The following ITIH3 variants were observed in gnomAD, a reference collection of about 807,000 sequenced individuals.
ITIH3 encodes the protein inter-alpha-trypsin inhibitor heavy chain H3.
ITIH3 carries 81 observed loss-of-function variants against 96.5 expected under a neutral mutation model. That is an observed-to-expected ratio of 0.84 (90% CI 0.70 to 1.01). The LOEUF (loss-of-function observed/expected upper bound fraction) is 1.01, where lower values mean the gene tolerates loss of function less well. Ranked by LOEUF, ITIH3 falls within the 50% of genes least tolerant of loss-of-function variation. ITIH3 has a pLI of 0.00. For missense variants in ITIH3, 1,057 were observed against 1,139.3 expected, an observed-to-expected ratio of 0.93 and a Z score of 1.04; for synonymous variants, 422 against 445.2, an observed-to-expected ratio of 0.95 and a Z score of 0.66.
At chr3:52,803,310 T>A (rs1305264537) in intron 13 of ITIH3, among the ~76,000 whole-genome samples, 4 of 119,838 alleles carry the variant, frequency 3.3e-5, no homozygotes, top group African/African-American at 1.8e-4. Context: ...TTATTTATTT[T>A]ATTTTATTAT....
chr3:52,806,772 T>TG, intron 18 of ITIH3, 129 bp from the exon 19 acceptor site: 1 of 736,850 alleles, frequency 1.4e-6, no homozygotes, highest in South Asian at 1.7e-5. Flanking sequence ...TCTGAAGTCC[T>TG]GGTCTCTCTT....
At position 52,807,866 on chromosome 3, in the gene ITIH3, T is replaced by C; in HGVS notation, c.2381T>C (p.Phe794Ser). ...CCTGTCCACCGTGACTTTCTAGGCT[T>C]CTACGTGGTGGACAGTCACCGGATG... ...KHPVHRDFLG[F>S]YVVDSHRMSA... Residue 794 changes from phenylalanine to serine, a missense_variant, in exon 20 of 22, where the codon TTC (phenylalanine) becomes TCC (serine). By Grantham distance (155) the Phe-to-Ser change is radical (BLOSUM62 -2). Transcript: ENST00000449956. 1 of 1,612,520 alleles carries C rather than the reference T, an allele frequency of 6.2e-7. No homozygotes were observed. The highest frequency in any genetic ancestry group is 1.1e-5 in the South Asian group (1 of 90,620).
At position 52,796,851 on chromosome 3, in the gene ITIH3, T is replaced by C. The variant is rs1350468720; in HGVS notation, c.386+8T>C. ...GACGGCCGGCTTGGTCAAGTAAGTA[T>C]GGACTCCCAGGCCTTGGGGAGAATG... is the stretch of plus-strand genomic sequence containing the variant. On this transcript the variant is annotated splice_region_variant and intron_variant, in intron 4 of 21. Coordinates refer to ENST00000449956, the MANE Select transcript of ITIH3 (RefSeq NM_002217.4). The C allele has an allele frequency of 1.3e-6, 2 of 1,583,856 alleles. No individual in the cohort carries two copies. Among genetic ancestry groups the C allele is most frequent in the East Asian group, 2.2e-5 (1 of 44,522 alleles).
rs757857469 is a variant in ITIH3, at chr3:52,797,901, G to A, written c.634G>A (p.Ala212Thr). The A allele has an allele frequency of 2.6e-5, 42 of 1,605,276 alleles. No homozygotes were observed. In the Admixed American group the frequency reaches 3.5e-4, roughly 14 times the overall value. Residue 212 changes from alanine to threonine, a missense_variant, in exon 6 of 22, where the codon GCC (alanine) becomes ACC (threonine). By Grantham distance (58) the Ala-to-Thr change is moderately conservative. Coordinates refer to ENST00000449956, the MANE Select transcript of ITIH3 (RefSeq NM_002217.4). The stretch of plus-strand genomic sequence containing the variant: ...CATCACCAACGACCTCCTGGGAAGC[G>A]CCCTCACCAAGTCCTTCTCAGGGAA... ...SFITNDLLGS[A>T]LTKSFSGKKG...
intron 13 of ITIH3, 81 bp downstream of exon 13, chr3:52,802,887 G>C: frequency 6.6e-7 from 1 of 1,513,618 alleles, no homozygotes. Flanking sequence ...CAGTCCCAGC[G>C]GTCCTGCCCT....
rs761778268 is a variant in ITIH3, at chr3:52,804,063, A to C, written c.1864+54A>C. On this transcript the variant is annotated intron_variant, in intron 14 of 21. Transcript: ENST00000449956. ...GGAGGCCTCCTGTGCTGGGCACCCT[A>C]CCTGGGTGTCCAGTGGAGGAGTGGG... 1.1e-5 allele frequency: 17 copies of C among 1,561,650 alleles called. No individual in the cohort carries two copies. In the African/African-American group the frequency reaches 2.2e-4, roughly 20 times the overall value.
At position 52,796,720 on chromosome 3, in the gene ITIH3, C is replaced by A. The variant is rs369881404; in HGVS notation, c.282-19C>A. 1,129 of 1,607,934 alleles carry A rather than the reference C, an allele frequency of 7.0e-4. 16 individuals carry two copies. In the South Asian group the frequency reaches 0.012, roughly 17 times the overall value. On this transcript the variant is annotated intron_variant, in intron 3 of 21. Coordinates refer to ENST00000449956, the MANE Select transcript of ITIH3 (RefSeq NM_002217.4). ...TGGCCCAGTGTGATCTCCCTACCCCCAACTCTCTTTCCCTGCAGGACCATC... is the reference window on the plus strand; with the variant it reads ...TGGCCCAGTGTGATCTCCCTACCCCAAACTCTCTTTCCCTGCAGGACCATC...
chr3:52,801,791 AAC>A (rs1428016032), intron 11 of ITIH3, among the ~76,000 whole-genome samples: 1 of 152,244 alleles, frequency 6.6e-6, no homozygotes, highest in Non-Finnish European at 1.5e-5. Context: ...TTCAACCCAT[AAC>A]AGACATACCT....
chr3:52,806,943 G>A lies in ITIH3; in HGVS notation c.2099G>A (p.Ser700Asn). The A allele has an allele frequency of 6.3e-7, 1 of 1,592,722 alleles. No homozygotes were observed. Among genetic ancestry groups the A allele is most frequent in the Middle Eastern group, 1.7e-4 (1 of 6,038 alleles). ...NGQITGDKRG[S>N]PDSKTRKTYF... ...CAGATCACTGGCGACAAGAGAGGCA[G>A]CCCTGACTCCAAGACCAGAAAGACT... Residue 700 changes from serine (S) to asparagine (N), a missense_variant, in exon 19 of 22, where the codon AGC becomes AAC. Ser to Asn is a conservative substitution (Grantham distance 46). Transcript: ENST00000449956.
intron 13 of ITIH3, among the ~76,000 whole-genome samples, chr3:52,803,180 G>A (rs538748700): frequency 7.7e-4 from 117 of 152,348 alleles, no homozygotes; most frequent in African/African-American, 2.7e-3. Flanking sequence ...GGTGGGATTA[G>A]ACTGTGAAGC....
intron 5 of ITIH3, among the ~76,000 whole-genome samples, chr3:52,797,497 G>A (rs550832939): frequency 1.3e-5 from 2 of 152,360 alleles, no homozygotes; most frequent in South Asian, 2.1e-4. Context: ...GCCCTCAAGA[G>A]CAACACCAGC....
At chr3:52,795,325 T>C (rs1699537693) in intron 1 of ITIH3, among the ~76,000 whole-genome samples, 1 of 152,080 alleles carries the variant, frequency 6.6e-6, no homozygotes, top group African/African-American at 2.4e-5. Context: ...GTGGGGCATG[T>C]AGGGTGTGAA....
In ITIH3 at chr3:52,800,573, A is replaced by G. The variant is rs374517492; in HGVS notation, c.1111A>G (p.Ser371Gly). ...CAATGACGGGCTGCTGAGGGGCATCAGTATGCTGAACAAGGCCCGAGAGGA... is the reference window on the plus strand; with the variant it reads ...CAATGACGGGCTGCTGAGGGGCATCGGTATGCTGAACAAGGCCCGAGAGGA... ...NINDGLLRGI[S>G]MLNKAREEHR... The change falls in exon 10 of 22, where the codon AGT (serine) becomes GGT (glycine). Residue 371 changes from serine (S) to glycine (G), a missense_variant. Coordinates refer to ENST00000449956, the MANE Select transcript of ITIH3 (RefSeq NM_002217.4). The G allele has an allele frequency of 5.8e-6, 9 of 1,562,296 alleles. No homozygotes were observed. The African/African-American group carries it at 8.2e-5, about 14-fold the overall frequency.
chr3:52,797,115 A>G lies in ITIH3; in HGVS notation c.397A>G (p.Arg133Gly). ...TCGCACCCTGGTCAGGGCCTCTGGGAGGAAGTTGGAGAAGTTCACAGTCTC... is the reference window on the plus strand; with the variant it reads ...TCGCACCCTGGTCAGGGCCTCTGGGGGGAAGTTGGAGAAGTTCACAGTCTC... ...KTAGLVKASG[R>G]KLEKFTVSVN... Residue 133 changes from arginine to glycine, a missense_variant, in exon 5 of 22, where the codon AGG becomes GGG. Arg to Gly is a moderately radical substitution (Grantham distance 125). Coordinates refer to ENST00000449956, the MANE Select transcript of ITIH3 (RefSeq NM_002217.4). 1 of 1,609,106 alleles carries G rather than the reference A, an allele frequency of 6.2e-7. No homozygotes were observed. Among genetic ancestry groups the G allele is most frequent in the Non-Finnish European group, 8.5e-7 (1 of 1,178,312 alleles).
In ITIH3 at chr3:52,799,474, C is replaced by T. The variant is rs546752822; in HGVS notation, c.892C>T (p.Arg298Trp). ...TGACATCAGCGGCTCCATGGCTGGT[C>T]GGAAATTAGAGCAGGTAATCAGCAC... ...VIDISGSMAG[R>W]KLEQTKEALL... The change falls in exon 8 of 22, where the codon CGG becomes TGG. Residue 298 changes from arginine (R) to tryptophan (W), a missense_variant. By Grantham distance (101) the Arg-to-Trp change is moderately radical (BLOSUM62 -3). Coordinates refer to ENST00000449956, the MANE Select transcript of ITIH3 (RefSeq NM_002217.4). 1.3e-4 allele frequency: 209 copies of T among 1,608,794 alleles called. 1 individual carries two copies. Among genetic ancestry groups the T allele is most frequent in the African/African-American group, 1.6e-4 (12 of 74,680 alleles).
chr3:52,802,193 T>C, intron 11 of ITIH3, 141 bp from the exon 12 acceptor site: 2 of 831,830 alleles, frequency 2.4e-6, no homozygotes, highest in Non-Finnish European at 3.7e-6. Flanking sequence ...CCCCACAGAC[T>C]GAAGGACGCA....
At chr3:52,805,462 T>C in intron 15 of ITIH3, 1 of 1,109,912 alleles carries the variant, frequency 9.0e-7, no homozygotes, top group Non-Finnish European at 1.1e-6. Flanking sequence ...CAGACAGCCG[T>C]GAGCCTCACT....
Position 52,799,710 on chromosome 3 carries a change from ACT to A in ITIH3, c.907-38_907-37del, listed in dbSNP as rs369039370. 409 of 1,561,176 alleles carry A rather than the reference ACT, an allele frequency of 2.6e-4. 2 individuals are homozygous for A. The African/African-American group carries it at 5.0e-3, about 19-fold the overall frequency. On this transcript the variant is annotated intron_variant, in intron 8 of 21. Coordinates refer to ENST00000449956, the MANE Select transcript of ITIH3 (RefSeq NM_002217.4). ...GCCTGCTGAGCTGAGAAGGGACCTC[ACT>A]CTCTGCTGCGGCTTCTCCCAGCTCT... is the stretch of plus-strand genomic sequence containing the variant.
rs997187552 is a variant in ITIH3, at chr3:52,800,021, C to G, written c.1075+100C>G. The G allele has an allele frequency of 3.5e-5, 41 of 1,166,098 alleles. 1 individual carries two copies. The highest frequency in any genetic ancestry group is 6.1e-6 in the Non-Finnish European group (5 of 824,292). 72.2% of individuals were successfully genotyped at this position (1,166,098 alleles called of 1,614,324 possible). ...CTTAGGGACTCTGCTGGTCTCAGGC[C>G]CTCTTCAGATCTGAGCTGGGGTAGA... On this transcript the variant is annotated intron_variant, in intron 9 of 21. Transcript: ENST00000449956.
Sources: allele counts gnomAD v4.1 joint callset (sites outside exome capture counted in the v4.1 genomes callset), GRCh38; gene constraint gnomAD v4.1.1; transcripts MANE v1.5; gene names NCBI Gene and HGNC (gene_info 2026-07-23, HGNC 2026-07-21).